The following BEND6 variants were observed in gnomAD, a reference collection of about 807,000 sequenced individuals.
BEND6 encodes BEN domain-containing protein 6.
BEND6 carries 24 observed loss-of-function variants against 31.8 expected under a neutral mutation model. That is an observed-to-expected ratio of 0.75 (90% CI 0.55 to 1.06). BEND6 has a LOEUF of 1.06. Ranked by LOEUF, BEND6 falls within the 50% of genes least tolerant of loss-of-function variation. The pLI is 0.00. For synonymous variants in BEND6, 109 were observed against 114.6 expected (o/e 0.95, Z 0.31); for missense variants, 294 against 327.4 (o/e 0.90, Z 0.79).
rs1205645306 is a variant in BEND6, at chr6:56,981,688, A to ATGTTTT, written c.-100-9_-100-4dup. 9.3e-6 allele frequency: 10 copies of ATGTTTT among 1,070,464 alleles called. No individual in the cohort carries two copies. In the East Asian group the frequency reaches 1.3e-4, roughly 13 times the overall value. 66.3% of individuals were successfully genotyped at this position (1,070,464 alleles called of 1,614,324 possible). A position where few individuals can be genotyped will look rare whatever the true frequency, so the allele number is the denominator to read the frequency against. ...TACAGTTGTGAATATGTTATGTGTC[A>ATGTTTT]TGTTTTTGTTTTTGTTTTTAAGGGA... On this transcript the variant is annotated intron_variant, in intron 1 of 6. Transcript: ENST00000370746.
intron 3 of BEND6, among the ~76,000 whole-genome samples, chr6:56,995,756 C>G (rs1484540980): frequency 6.6e-6 from 1 of 152,170 alleles, no homozygotes; most frequent in African/African-American, 2.4e-5. Context: ...AACTCGATTA[C>G]ATCTGTAAAA....
intron 1 of BEND6, among the ~76,000 whole-genome samples, chr6:56,977,910 T>C (rs1017440475): frequency 6.6e-6 from 1 of 151,980 alleles, no homozygotes; most frequent in East Asian, 1.9e-4. Flanking sequence ...TGAGCCAAGA[T>C]TGCACCACTA....
chr6:57,008,206 T>C, intron 3 of BEND6: 1 of 702,910 alleles, frequency 1.4e-6, no homozygotes, highest in Non-Finnish European at 2.6e-6. Context: ...TGCCTTAGAC[T>C]CTCCAATGAA....
chr6:56,965,676 TTATATATATATATA>T (rs35074783), intron 1 of BEND6, among the ~76,000 whole-genome samples: 3 of 136,556 alleles, frequency 2.2e-5, no homozygotes, highest in Non-Finnish European at 4.8e-5. Context: ...ACAAAAAAAT[TTATATATATATATA>T]TATATATATA....
At position 56,992,431 on chromosome 6, in the gene BEND6, T is replaced by A; in HGVS notation, c.174T>A (p.Asp58Glu). The A allele has an allele frequency of 6.2e-7, 1 of 1,614,048 alleles. No individual in the cohort carries two copies. ...TGCCTGGTGAAAGCTCCAGTGAGGA[T>A]GAAGAGCCTTTAGCAGAATTGTCAA... ...AFLPGESSSE[D>E]EEPLAELSKE... The change falls in exon 3 of 7, where the codon GAT becomes GAA. Residue 58 changes from aspartate (D) to glutamate (E), a missense_variant. Transcript: ENST00000370746.
chr6:56,959,617 G>T (rs1825219639), intron 1 of BEND6, among the ~76,000 whole-genome samples: 1 of 152,146 alleles, frequency 6.6e-6, no homozygotes, highest in African/African-American at 2.4e-5. Flanking sequence ...ATTTGGAGGT[G>T]ATTTCCAGCC....
intron 2 of BEND6, among the ~76,000 whole-genome samples, chr6:56,987,683 A>G (rs1826333144): frequency 1.3e-5 from 2 of 152,168 alleles, no homozygotes. Flanking sequence ...TCCTCCATGC[A>G]CCAGAATGTC....
intron 6 of BEND6, among the ~76,000 whole-genome samples, chr6:57,021,503 C>G (rs1827741129): frequency 6.6e-6 from 1 of 152,188 alleles, no homozygotes; most frequent in Non-Finnish European, 1.5e-5. Flanking sequence ...TGGCTCAGGT[C>G]TGTGAGGGTA....
intron 3 of BEND6, among the ~76,000 whole-genome samples, chr6:56,997,526 T>C (rs1449883973): frequency 6.6e-6 from 1 of 152,218 alleles, no homozygotes; most frequent in Non-Finnish European, 1.5e-5. Context: ...CTACTGCCAC[T>C]GCAGTGTTCA....
Position 57,026,554 on chromosome 6 carries a change from A to T in BEND6, c.*482A>T, listed in dbSNP as rs1827909022. On this transcript the variant is annotated 3_prime_UTR_variant, in exon 7 of 7. Coordinates refer to ENST00000370746, the MANE Select transcript of BEND6 (RefSeq NM_152731.3). Reference sequence around the variant, plus strand: ...GCTTGCAAAAGTAAACAGTGAAATAATTAATGTTGGCAAATATGAGAACAA... The same window carrying T: ...GCTTGCAAAAGTAAACAGTGAAATATTTAATGTTGGCAAATATGAGAACAA... The T allele has an allele frequency of 6.6e-6, 1 of 152,354 alleles. No individual in the cohort carries two copies. The highest frequency in any genetic ancestry group is 2.4e-5 in the African/African-American group (1 of 41,592). 9.4% of individuals were successfully genotyped at this position (152,354 alleles called of 1,614,324 possible). A position where few individuals can be genotyped will look rare whatever the true frequency, so the allele number is the denominator to read the frequency against.
intron 2 of BEND6, among the ~76,000 whole-genome samples, chr6:56,988,045 C>T (rs1165576506): frequency 3.5e-5 from 5 of 141,022 alleles, no homozygotes; most frequent in South Asian, 2.2e-4. Flanking sequence ...GAGACAGAGT[C>T]TTGCTCTGTT....
chr6:56,991,462 C>T (rs1316313591), intron 2 of BEND6, among the ~76,000 whole-genome samples: 1 of 151,946 alleles, frequency 6.6e-6, no homozygotes, highest in African/African-American at 2.4e-5. Context: ...GCAGCCTCTA[C>T]CTCCCTTTAA....
At chr6:57,009,873 G>A (rs1047468110) in intron 3 of BEND6, 1 of 152,104 alleles carries the variant, frequency 6.6e-6, no homozygotes, top group Non-Finnish European at 1.5e-5. Context: ...TTTGAAAATT[G>A]GCAGATACAA....
At chr6:56,963,327 TGCAG>T (rs550525433) in intron 1 of BEND6, among the ~76,000 whole-genome samples, 2 of 152,230 alleles carry the variant, frequency 1.3e-5, no homozygotes, top group Admixed American at 6.5e-5. Flanking sequence ...ACACAAGAGA[TGCAG>T]TCCTCTCCTT....
intron 1 of BEND6, among the ~76,000 whole-genome samples, chr6:56,967,826 C>T (rs761284073): frequency 1.3e-5 from 2 of 152,186 alleles, no homozygotes; most frequent in Non-Finnish European, 2.9e-5. Context: ...TAAGTTCTGG[C>T]TTGAGCGTGC....
chr6:57,002,597 A>G (rs1826985078), intron 3 of BEND6, among the ~76,000 whole-genome samples: 1 of 68,086 alleles, frequency 1.5e-5, no homozygotes, highest in South Asian at 7.2e-4. Context: ...AAATTAAACA[A>G]CTTGCTCCTG....
Position 56,981,842 on chromosome 6 carries a change from C to A in BEND6, c.32C>A (p.Thr11Asn). Residue 11 changes from threonine (T) to asparagine (N), a missense_variant, in exon 2 of 7, where the codon ACC (threonine) becomes AAC (asparagine). Coordinates refer to ENST00000370746, the MANE Select transcript of BEND6 (RefSeq NM_152731.3). MQKIVQTDEI[T>N]NTQAFRKGKR... ...AAGATCGTGCAGACAGATGAAATTACCAATACACAAGCTTTTAGAAAAGGA... is the reference window on the plus strand; with the variant it reads ...AAGATCGTGCAGACAGATGAAATTAACAATACACAAGCTTTTAGAAAAGGA... The A allele has an allele frequency of 6.2e-7, 1 of 1,612,176 alleles. No homozygotes were observed. Among genetic ancestry groups the A allele is most frequent in the South Asian group, 1.1e-5 (1 of 90,830 alleles).
At chr6:57,014,441 C>G (rs1160138390) in intron 3 of BEND6, 8 of 1,419,774 alleles carry the variant, frequency 5.6e-6, no homozygotes, top group Admixed American at 2.5e-5. Flanking sequence ...CCAACTCCAA[C>G]AACATGTTAT....
At chr6:56,972,086 CTTTTTTTTTTT>C (rs35524907) in intron 1 of BEND6, among the ~76,000 whole-genome samples, 1 of 62,530 alleles carries the variant, frequency 1.6e-5, no homozygotes, top group South Asian at 8.5e-4. Context: ...ACTTTACTTT[CTTTTTTTTTTT>C]TTTTTTTTTT....
Sources: gnomAD v4.1 joint callset for allele counts (sites outside exome capture counted in the v4.1 genomes callset) on GRCh38, gnomAD v4.1.1 for gene constraint, MANE v1.5 for transcripts, NCBI Gene and HGNC (gene_info 2026-07-23, HGNC 2026-07-21) for gene names.